FRK: variants seen among roughly 807,000 people sequenced by gnomAD.
The protein encoded by FRK is fyn related Src family tyrosine kinase, also known as tyrosine-protein kinase FRK.
A neutral mutation model predicts 56.4 loss-of-function variants in FRK; 51 were observed. That is an observed-to-expected ratio of 0.90 (90% confidence interval 0.72 to 1.14). The LOEUF (loss-of-function observed/expected upper bound fraction) is 1.14, where lower values mean the gene tolerates loss of function less well. Among genes scored for constraint, FRK ranks in the 50% most tolerant of loss-of-function variants. The pLI, the probability that FRK is intolerant of heterozygous loss-of-function variation, is 0.00. For missense variants in FRK, 570 were observed against 601.4 expected, an observed-to-expected ratio of 0.95 and a Z score of 0.55; for synonymous variants, 245 against 217.9, an observed-to-expected ratio of 1.12 and a Z score of -1.10.
chr6:115,982,349 G>T (rs1774228354), intron 2 of FRK, among the ~76,000 whole-genome samples: 1 of 152,132 alleles, frequency 6.6e-6, no homozygotes, highest in Non-Finnish European at 1.5e-5. Context: ...CTACTTTGTA[G>T]ATGGCAGATC....
chr6:116,000,071 T>C (rs1052757896), intron 2 of FRK, among the ~76,000 whole-genome samples: 2 of 152,144 alleles, frequency 1.3e-5, no homozygotes, highest in African/African-American at 4.8e-5. Context: ...AATATCCTTG[T>C]AATTTTTTTC....
rs143857148 is a variant in FRK at position 116,051,162 on chromosome 6, T to G, written c.344+8806A>C. Among the ~76,000 whole-genome samples the G allele has an allele frequency of 3.8e-4, 58 of 152,278 alleles. 1 individual carries two copies. In the East Asian group the frequency reaches 0.011, roughly 28 times the overall value. On this transcript the variant is annotated intron_variant, in intron 1 of 7. Coordinates refer to ENST00000606080, the MANE Select transcript of FRK (RefSeq NM_002031.3). ...AGGAATATTTACTAAGAAATAGTAT[T>G]CTAAATGTCTTTCAAGTAAGATACC...
At chr6:116,036,407 C>T (rs890071234) in intron 1 of FRK, among the ~76,000 whole-genome samples, 39 of 152,190 alleles carry the variant, frequency 2.6e-4, no homozygotes, top group African/African-American at 8.7e-4. Flanking sequence ...ATACATGGTA[C>T]AAAATTACAG....
chr6:115,982,858 G>T (rs1345315528), intron 2 of FRK, among the ~76,000 whole-genome samples: 2 of 152,050 alleles, frequency 1.3e-5, no homozygotes, highest in African/African-American at 2.4e-5. Flanking sequence ...GATCACTTGA[G>T]GTTAGGAGTT....
the FRK span, among the ~76,000 whole-genome samples, chr6:116,080,322 A>T: frequency 6.6e-6 from 1 of 152,026 alleles, no homozygotes. Context: ...CACCTGGCTA[A>T]TTTTTGTATT....
chr6:115,983,837 A>G (rs1774295682), intron 2 of FRK, among the ~76,000 whole-genome samples: 1 of 152,066 alleles, frequency 6.6e-6, no homozygotes, highest in Non-Finnish European at 1.5e-5. Flanking sequence ...TCTTTCTAAA[A>G]TGCAAATCTG....
chr6:115,949,234 C>T (rs529793028), intron 5 of FRK, among the ~76,000 whole-genome samples: 4 of 150,738 alleles, frequency 2.7e-5, no homozygotes, highest in East Asian at 2.0e-4. Context: ...CTACAAATAG[C>T]GATAATATGA....
chr6:116,027,587 A>G (rs1776139820), intron 1 of FRK, among the ~76,000 whole-genome samples: 2 of 152,300 alleles, frequency 1.3e-5, no homozygotes, highest in African/African-American at 4.8e-5. Context: ...AAAGGTCATT[A>G]TAACTGATAA....
At chr6:116,087,063 A>G in the FRK span, among the ~76,000 whole-genome samples, 2 of 152,276 alleles carry the variant, frequency 1.3e-5, no homozygotes, top group South Asian at 4.1e-4. Context: ...TATTTTGAGC[A>G]GAGCGCGCAG....
chr6:116,012,753 C>G (rs1037818849), intron 1 of FRK, among the ~76,000 whole-genome samples: 1 of 152,096 alleles, frequency 6.6e-6, no homozygotes, highest in African/African-American at 2.4e-5. Context: ...TTTGAGCTTG[C>G]CACATAGCTT....
At chr6:116,004,694 T>C (rs547736042) in intron 1 of FRK, among the ~76,000 whole-genome samples, 2 of 152,254 alleles carry the variant, frequency 1.3e-5, no homozygotes, top group African/African-American at 4.8e-5. Context: ...TCCAGAAATA[T>C]AAGAGTCAGA....
At chr6:115,958,500 T>C (rs1398324394) in intron 4 of FRK, among the ~76,000 whole-genome samples, 1 of 151,552 alleles carries the variant, frequency 6.6e-6, no homozygotes, top group Non-Finnish European at 1.5e-5. Flanking sequence ...TGGTGTCAGG[T>C]GCCTGTAATC....
In FRK at chr6:115,936,415, TCTC is replaced by T. The variant is rs990051482; in HGVS notation, c.*5996_*5998del. ...AAATTCAAAAAAACAGAATGCCTCT[TCTC>T]CTCCAAAGGATCACAACTCCTTGCC... On this transcript the variant is annotated 3_prime_UTR_variant, in exon 8 of 8. Transcript: ENST00000606080. The T allele has an allele frequency of 6.6e-6, 1 of 152,148 alleles. No individual in the cohort carries two copies. The highest frequency in any genetic ancestry group is 2.4e-5 in the African/African-American group (1 of 41,434). The allele number at this position is 152,148 out of a possible 1,614,324, so 9.4% of individuals were successfully genotyped here. A position where few individuals can be genotyped will look rare whatever the true frequency, so the allele number is the denominator to read the frequency against.
rs1475301542 is a variant in FRK, at chr6:115,932,237, C to A, written c.*10177G>T. The stretch of plus-strand genomic sequence containing the variant: ...TAACTTGAGAGGCCTACTAACATCA[C>A]TTTCTTAACAAAAGCAGAGAAAAAT... On this transcript the variant is annotated 3_prime_UTR_variant, in exon 8 of 8. Transcript: ENST00000606080. 2 of 152,196 alleles carry A rather than the reference C, an allele frequency of 1.3e-5. No individual in the cohort carries two copies. The highest frequency in any genetic ancestry group is 4.8e-5 in the African/African-American group (2 of 41,452). 9.4% of individuals were successfully genotyped at this position (152,196 alleles called of 1,614,324 possible).
rs764232745 is a variant in FRK, at chr6:115,967,547, G to A, written c.799+4C>T. On this transcript the variant is annotated splice_donor_region_variant and intron_variant, in intron 4 of 7. Coordinates refer to ENST00000606080, the MANE Select transcript of FRK (RefSeq NM_002031.3). ...ATGCCATTTAACCTTTATTGTTCTC[G>A]CACCTGGTTTTAATGTTTTCACTGC... 97 of 1,611,278 alleles carry A rather than the reference G, an allele frequency of 6.0e-5. No homozygotes were observed. The East Asian group carries it at 1.8e-3, about 30-fold the overall frequency.
At chr6:116,059,256 T>C (rs1303419889) in intron 1 of FRK, among the ~76,000 whole-genome samples, 1 of 152,200 alleles carries the variant, frequency 6.6e-6, no homozygotes, top group Non-Finnish European at 1.5e-5. Flanking sequence ...TTCATTCAAA[T>C]ACCAGGATAA....
chr6:115,997,227 T>G (rs1045822798), intron 2 of FRK, among the ~76,000 whole-genome samples: 1 of 152,198 alleles, frequency 6.6e-6, no homozygotes, highest in African/African-American at 2.4e-5. Context: ...GAGCAAAACA[T>G]GTATTTCGTT....
chr6:116,012,405 C>A (rs186585770), intron 1 of FRK, among the ~76,000 whole-genome samples: 129 of 152,304 alleles, frequency 8.5e-4, no homozygotes, highest in African/African-American at 3.1e-3. Flanking sequence ...ACTGGCAATA[C>A]TAAAACTTGA....
intron 1 of FRK, among the ~76,000 whole-genome samples, chr6:116,035,676 T>C (rs559602424): frequency 6.6e-6 from 1 of 152,128 alleles, no homozygotes; most frequent in Non-Finnish European, 1.5e-5. Flanking sequence ...AGCTATTCCT[T>C]AAAATCAAAC....
Sources: gnomAD v4.1 joint callset for allele counts (sites outside exome capture counted in the v4.1 genomes callset) on GRCh38, gnomAD v4.1.1 for gene constraint, MANE v1.5 for transcripts, NCBI Gene and HGNC (gene_info 2026-07-23, HGNC 2026-07-21) for gene names.